The following CASK variants were observed in gnomAD, a reference collection of about 807,000 sequenced individuals.
CASK encodes the protein peripheral plasma membrane protein CASK.
CASK carries 4 observed loss-of-function variants against 82.9 expected under a neutral mutation model. The observed-to-expected ratio is 0.05, with a 90% CI of 0.02 to 0.11. The LOEUF (loss-of-function observed/expected upper bound fraction) is 0.11, where lower values mean the gene tolerates loss of function less well. Ranked by LOEUF, CASK falls within the 10% of genes least tolerant of loss-of-function variation. The probability of loss-of-function intolerance (pLI) is 1.00; values close to 1 mark genes in which losing one functional copy is unlikely to be tolerated. For synonymous variants in CASK, 259 were observed against 253.5 expected (o/e 1.02, Z -0.20); for missense variants, 358 against 720.9 (o/e 0.50, Z 5.76).
chrX:41,796,888 T>C (rs2069865451), intron 2 of CASK, among the ~76,000 whole-genome samples: 1 of 112,045 alleles, frequency 8.9e-6, no homozygotes, highest in Admixed American at 9.5e-5. Context: ...ATGGGTTTCT[T>C]TGCCTCTAGT....
chrX:41,783,100 C>T (rs758952323), intron 3 of CASK, among the ~76,000 whole-genome samples: 64 of 111,385 alleles, frequency 5.7e-4, no homozygotes, highest in Non-Finnish European at 8.9e-4. Flanking sequence ...GCCAAGATGG[C>T]GCCACTGCAC....
chrX:41,556,826 T>G (rs1164485065), intron 19 of CASK, among the ~76,000 whole-genome samples: 1 of 112,494 alleles, frequency 8.9e-6, no homozygotes, highest in Non-Finnish European at 1.9e-5. Flanking sequence ...GAACTATATT[T>G]CTTCAAATTT....
chrX:41,838,882 TCCA>T (rs1218902189), intron 2 of CASK, among the ~76,000 whole-genome samples: 1 of 111,914 alleles, frequency 8.9e-6, no homozygotes, highest in Non-Finnish European at 1.9e-5. Flanking sequence ...GTCCAATTGC[TCCA>T]CCACCATTTG....
At chrX:41,913,732 C>T (rs930909569) in intron 1 of CASK, among the ~76,000 whole-genome samples, 4 of 112,450 alleles carry the variant, frequency 3.6e-5, no homozygotes, top group Non-Finnish European at 7.5e-5. Flanking sequence ...ATCTCAGAGA[C>T]ATTCTAGAAA....
intron 12 of CASK, among the ~76,000 whole-genome samples, chrX:41,603,207 C>T (rs1173023436): frequency 8.9e-5 from 10 of 112,292 alleles, no homozygotes; most frequent in African/African-American, 3.2e-4. Context: ...TTGGCAATCT[C>T]TTTAAATATC....
intron 21 of CASK, among the ~76,000 whole-genome samples, chrX:41,551,089 G>A (rs1255092008): frequency 8.9e-6 from 1 of 111,738 alleles, no homozygotes; most frequent in Non-Finnish European, 1.9e-5. Flanking sequence ...AGTTTATGTC[G>A]GGCGGATAGG....
At position 41,571,604 on chromosome X, in the gene CASK, C is replaced by T. The variant is rs184984495; in HGVS notation, c.1504-1858G>A. Among the ~76,000 whole-genome samples, 616 of 111,545 alleles carry T rather than the reference C, an allele frequency of 5.5e-3. 5 individuals carry two copies. Among genetic ancestry groups the T allele is most frequent in the African/African-American group, 0.019 (592 of 30,724 alleles). On this transcript the variant is annotated intron_variant, in intron 15 of 26. Transcript: ENST00000378163. ...GATCTTTCCAAAGAAAAAGTATTTT[C>T]TGTTTTATTGATACTCTATTGCTTT...
intron 3 of CASK, among the ~76,000 whole-genome samples, chrX:41,770,257 C>CATCTATCTATCTATCT (rs751579544): frequency 5.7e-4 from 49 of 86,532 alleles, no homozygotes; most frequent in South Asian, 5.0e-3. Context: ...ATCTATCTAT[C>CATCTATCTATCTATCT]ATCTATCTAT....
intron 22 of CASK, among the ~76,000 whole-genome samples, chrX:41,541,107 A>G (rs2064941009): frequency 8.9e-6 from 1 of 112,734 alleles, no homozygotes; most frequent in Non-Finnish European, 1.9e-5. Flanking sequence ...TTGTGAGCCT[A>G]TTAGATTGTG....
At position 41,869,812 on chromosome X, in the gene CASK, C is replaced by CAAAAAAA. The variant is rs72190097; in HGVS notation, c.60-16592_60-16586dup. Reference sequence around the variant, plus strand: ...TGGGTGATGAAGTAAGACTCTGTCTCAAAAAAAAAAAAAAAAAAAAAAAAG... The same window carrying CAAAAAAA: ...TGGGTGATGAAGTAAGACTCTGTCTCAAAAAAAAAAAAAAAAAAAAAAAAAAAAAAAG... On this transcript the variant is annotated intron_variant, in intron 1 of 26. Transcript: ENST00000378163. Among the ~76,000 whole-genome samples the CAAAAAAA allele has an allele frequency of 4.5e-3, 54 of 12,082 alleles. 3 individuals are homozygous for CAAAAAAA. Among genetic ancestry groups the CAAAAAAA allele is most frequent in the African/African-American group, 0.011 (26 of 2,345 alleles). The allele number at this position is 12,082 out of a possible 115,157, so 10.5% of individuals were successfully genotyped here.
At chrX:41,591,973 G>T (rs1426175626) in intron 12 of CASK, among the ~76,000 whole-genome samples, 1 of 110,947 alleles carries the variant, frequency 9.0e-6, no homozygotes, top group Non-Finnish European at 1.9e-5. Context: ...AAACCCGGCT[G>T]GGTGCAGTGG....
intron 13 of CASK, among the ~76,000 whole-genome samples, chrX:41,589,045 T>C (rs183011631): frequency 8.9e-6 from 1 of 112,371 alleles, no homozygotes; most frequent in Admixed American, 9.4e-5. Flanking sequence ...CAATGTTGTA[T>C]TTCTATCATA....
chrX:41,729,749 C>CAAAAA (rs1162361118), intron 5 of CASK: 2 of 14,116 alleles, frequency 1.4e-4, no homozygotes, highest in African/African-American at 2.8e-4. Flanking sequence ...GACTCTGTCT[C>CAAAAA]AAAAAAAAAA....
chrX:41,598,074 A>C (rs923395773), intron 12 of CASK, among the ~76,000 whole-genome samples: 2 of 109,195 alleles, frequency 1.8e-5, no homozygotes, highest in Non-Finnish European at 3.8e-5. Context: ...GGAAGGTCGA[A>C]GTTGCAATGT....
At chrX:41,576,835 C>T (rs923907285) in intron 15 of CASK, among the ~76,000 whole-genome samples, 2 of 111,201 alleles carry the variant, frequency 1.8e-5, no homozygotes, top group Admixed American at 1.9e-4. Context: ...AAAGAGTTGC[C>T]TGGATAGTAC....
chrX:41,730,771 G>A (rs1397866074), intron 5 of CASK, among the ~76,000 whole-genome samples: 1 of 111,289 alleles, frequency 9.0e-6, no homozygotes, highest in Non-Finnish European at 1.9e-5. Flanking sequence ...GGCGTGATCT[G>A]GCTCACTGCA....
At chrX:41,847,952 T>C (rs1218575113) in intron 2 of CASK, among the ~76,000 whole-genome samples, 2 of 112,297 alleles carry the variant, frequency 1.8e-5, no homozygotes, top group African/African-American at 6.5e-5. Context: ...TTCTTAGATT[T>C]TTCCTGAGCT....
rs781519367 is a variant in CASK, at chrX:41,717,223, T to TC, written c.429+22160dup. Among the ~76,000 whole-genome samples the TC allele has an allele frequency of 6.8e-3, 767 of 112,459 alleles. 3 individuals are homozygous for TC. The highest frequency in any genetic ancestry group is 0.012 in the Non-Finnish European group (642 of 53,301). On this transcript the variant is annotated intron_variant, in intron 5 of 26. Transcript: ENST00000378163. Reference sequence around the variant, plus strand: ...AATAAAAACCCCTGCTTTCCTTTGTTCTGTGTGCTCTCGCCATTGCTCCAC... The same window carrying TC: ...AATAAAAACCCCTGCTTTCCTTTGTTCCTGTGTGCTCTCGCCATTGCTCCAC...
At chrX:41,818,139 G>A (rs2147897857) in intron 2 of CASK, among the ~76,000 whole-genome samples, 1 of 93,560 alleles carries the variant, frequency 1.1e-5, no homozygotes, top group African/African-American at 4.1e-5. Flanking sequence ...AATCCCAGGA[G>A]GCCTTCTGTG....
Sources: gnomAD v4.1 joint callset for allele counts (sites outside exome capture counted in the v4.1 genomes callset) on GRCh38, gnomAD v4.1.1 for gene constraint, MANE v1.5 for transcripts, NCBI Gene and HGNC (gene_info 2026-07-23, HGNC 2026-07-21) for gene names.